Variants in GPHN observed in about 807,000 individuals in gnomAD.
GPHN encodes gephyrin.
Under a neutral mutation model 95.5 loss-of-function variants are expected in GPHN, and 17 were observed. That is an observed-to-expected ratio of 0.18 (90% CI 0.12 to 0.27). The LOEUF (loss-of-function observed/expected upper bound fraction) is 0.27. Ranked by LOEUF, GPHN falls within the 10% of genes least tolerant of loss-of-function variation. The pLI, the probability that GPHN is intolerant of heterozygous loss-of-function variation, is 1.00. For missense variants in GPHN, 660 were observed against 978.1 expected, an observed-to-expected ratio of 0.67 and a Z score of 4.34; for synonymous variants, 320 against 322.5, an observed-to-expected ratio of 0.99 and a Z score of 0.08.
At chr14:66,652,654 T>G (rs2065101934) in intron 1 of GPHN, among the ~76,000 whole-genome samples, 1 of 152,178 alleles carries the variant, frequency 6.6e-6, no homozygotes, top group African/African-American at 2.4e-5. Context: ...TTGAATCCTT[T>G]ATAGTGTAAC....
At chr14:67,683,155 T>A in the GPHN span, among the ~76,000 whole-genome samples, 1 of 152,246 alleles carries the variant, frequency 6.6e-6, no homozygotes, top group South Asian at 2.1e-4. Flanking sequence ...ACGGCTGCTG[T>A]TGGATCTTCA....
At chr14:67,645,575 T>C in the GPHN span, 1 of 1,547,222 alleles carries the variant, frequency 6.5e-7, no homozygotes, top group South Asian at 1.2e-5. Context: ...TTGTTTTGGC[T>C]GAGGACGTTT....
At chr14:66,691,441 C>A (rs919707885) in intron 2 of GPHN, among the ~76,000 whole-genome samples, 15 of 151,938 alleles carry the variant, frequency 9.9e-5, no homozygotes, top group Non-Finnish European at 2.1e-4. Flanking sequence ...CCTTGGCCTC[C>A]CAAAGTGCTG....
chr14:67,032,676 T>C (rs2074245974), intron 10 of GPHN, among the ~76,000 whole-genome samples: 1 of 152,136 alleles, frequency 6.6e-6, no homozygotes, highest in Non-Finnish European at 1.5e-5. Context: ...ACCTCTCTAA[T>C]TGGGAAATTA....
At chr14:67,710,993 T>A in the GPHN span, among the ~76,000 whole-genome samples, 1 of 152,204 alleles carries the variant, frequency 6.6e-6, no homozygotes, top group East Asian at 1.9e-4. Flanking sequence ...AGATTTAACT[T>A]AACTGGCCCC....
At chr14:66,509,701 T>C (rs1730079753) in intron 1 of GPHN, among the ~76,000 whole-genome samples, 1 of 152,128 alleles carries the variant, frequency 6.6e-6, no homozygotes, top group East Asian at 1.9e-4. Flanking sequence ...GTGATGTGAT[T>C]TCGGAAAAAG....
At chr14:66,812,482 T>C (rs2153483737) in intron 3 of GPHN, among the ~76,000 whole-genome samples, 1 of 152,214 alleles carries the variant, frequency 6.6e-6, no homozygotes, top group South Asian at 2.1e-4. Flanking sequence ...CCTATTGTAA[T>C]TAACAGACAA....
intron 8 of GPHN, among the ~76,000 whole-genome samples, chr14:66,932,233 C>T (rs2066838587): frequency 6.6e-6 from 1 of 151,992 alleles, no homozygotes; most frequent in Non-Finnish European, 1.5e-5. Context: ...CTTAATCTCC[C>T]TCTTCATGCT....
At chr14:67,235,898 G>A in the GPHN span, among the ~76,000 whole-genome samples, 2 of 151,876 alleles carry the variant, frequency 1.3e-5, no homozygotes, top group African/African-American at 4.8e-5. Flanking sequence ...TCTTTTCTCT[G>A]TTTATATCAC....
the GPHN span, among the ~76,000 whole-genome samples, chr14:67,687,323 C>T: frequency 6.6e-6 from 1 of 152,170 alleles, no homozygotes; most frequent in South Asian, 2.1e-4. Flanking sequence ...TGGCATCTAC[C>T]TACCTCACCA....
At chr14:66,961,927 TATATATATATATATATATATACAC>T (rs1330561682) in intron 8 of GPHN, among the ~76,000 whole-genome samples, 3 of 75,244 alleles carry the variant, frequency 4.0e-5, no homozygotes, top group Admixed American at 3.1e-4. Context: ...TATATATATA[TATATATATATATATATATATACAC>T]ATATCTCCCA....
chr14:67,014,801 A>G (rs113274485), intron 9 of GPHN, among the ~76,000 whole-genome samples: 2,383 of 152,306 alleles, frequency 0.016, 33 homozygotes, highest in Non-Finnish European at 0.018. Flanking sequence ...TTTATAATAC[A>G]TTATATAATT....
the GPHN span, among the ~76,000 whole-genome samples, chr14:67,568,591 A>G: frequency 6.6e-6 from 1 of 152,286 alleles, no homozygotes. Flanking sequence ...CGTACCCTGG[A>G]ACTTAAAAAA....
At chr14:67,345,935 A>T in the GPHN span, 2 of 998,294 alleles carry the variant, frequency 2.0e-6, no homozygotes, top group Non-Finnish European at 3.1e-6. Flanking sequence ...AAAATTCCCC[A>T]AAAGGAGATA....
chr14:67,648,909 C>T, the GPHN span: 1 of 152,042 alleles, frequency 6.6e-6, no homozygotes, highest in Non-Finnish European at 1.5e-5. Flanking sequence ...AGATAGAGAC[C>T]CCAGATTGAA....
chr14:66,964,041 A>G (rs1351845210), intron 8 of GPHN, among the ~76,000 whole-genome samples: 1 of 152,174 alleles, frequency 6.6e-6, no homozygotes, highest in Non-Finnish European at 1.5e-5. Context: ...CATTCTTAGA[A>G]GACGTATGCC....
intron 1 of GPHN, among the ~76,000 whole-genome samples, chr14:66,633,340 T>C (rs1566736443): frequency 6.8e-6 from 1 of 146,568 alleles, no homozygotes; most frequent in Non-Finnish European, 1.6e-5. Context: ...TAGTACTTTA[T>C]TAAGGAATCA....
intron 2 of GPHN, among the ~76,000 whole-genome samples, chr14:66,689,280 A>G (rs188624659): frequency 1.3e-5 from 2 of 152,164 alleles, no homozygotes; most frequent in African/African-American, 2.4e-5. Flanking sequence ...TGCTTTTTCT[A>G]TGTTTATTGA....
intron 5 of GPHN, among the ~76,000 whole-genome samples, chr14:66,881,588 G>A (rs1056685676): frequency 6.6e-6 from 1 of 151,802 alleles, no homozygotes; most frequent in African/African-American, 2.4e-5. Context: ...CTCTCCTTAA[G>A]GATCCCACAG....
Sources: allele counts gnomAD v4.1 joint callset (sites outside exome capture counted in the v4.1 genomes callset), GRCh38; gene constraint gnomAD v4.1.1; transcripts MANE v1.5; gene names NCBI Gene and HGNC (gene_info 2026-07-23, HGNC 2026-07-21).